Variants in DCUN1D4 observed in about 807,000 individuals in gnomAD.
DCUN1D4 encodes DCN1-like protein 4.
Under a neutral mutation model 47.9 loss-of-function variants are expected in DCUN1D4, and 22 were observed. The observed-to-expected ratio is 0.46, with a 90% CI of 0.33 to 0.66. The LOEUF (loss-of-function observed/expected upper bound fraction) is 0.66. Ranked by LOEUF, DCUN1D4 falls within the 30% of genes least tolerant of loss-of-function variation. The pLI is 0.02. For synonymous variants in DCUN1D4, 121 were observed against 112.2 expected (o/e 1.08, Z -0.50); for missense variants, 301 against 340.8 (o/e 0.88, Z 0.92).
intron 7 of DCUN1D4, among the ~76,000 whole-genome samples, chr4:51,895,559 T>TAAAAAA (rs67542268): frequency 1.1e-5 from 1 of 88,498 alleles, no homozygotes; most frequent in Non-Finnish European, 2.4e-5. Flanking sequence ...TGCTTAAACT[T>TAAAAAA]AAAAAAAAAA....
the DCUN1D4 span, among the ~76,000 whole-genome samples, chr4:51,834,096 C>CTTTTTTTT: frequency 2.3e-5 from 1 of 43,576 alleles, no homozygotes; most frequent in Non-Finnish European, 3.8e-5. Flanking sequence ...CTTTTCTTTT[C>CTTTTTTTT]TTCTTTCTTT....
At chr4:51,901,701 C>T (rs1024435462) in intron 8 of DCUN1D4, among the ~76,000 whole-genome samples, 15 of 152,182 alleles carry the variant, frequency 9.9e-5, no homozygotes, top group African/African-American at 3.6e-4. Flanking sequence ...GGTGTCTCCT[C>T]TACTTGGCTT....
chr4:51,869,378 G>A lies in DCUN1D4; in HGVS notation c.137-4893G>A, dbSNP rs139926537. ...TGTGACAATGTTCAATGAAAAGTGA[G>A]GTGAAATAGCTATATAAAAAGTACT... On this transcript the variant is annotated intron_variant, in intron 3 of 10. Coordinates refer to ENST00000334635, the MANE Select transcript of DCUN1D4 (RefSeq NM_001040402.3). Among the ~76,000 whole-genome samples the A allele has an allele frequency of 2.8e-3, 420 of 152,198 alleles. 3 individuals carry two copies. Among genetic ancestry groups the A allele is most frequent in the Middle Eastern group, 0.01 (3 of 294 alleles).
chr4:51,874,215 TAC>T (rs1394333705), intron 3 of DCUN1D4, 54 bp from the exon 4 acceptor site: 2 of 1,154,926 alleles, frequency 1.7e-6, no homozygotes, highest in Non-Finnish European at 2.5e-6. Flanking sequence ...TCTTTGGAAG[TAC>T]AGAGTTAGGA....
upstream of DCUN1D4, chr4:51,843,084 C>T (rs1291130715): frequency 1.4e-6 from 2 of 1,414,174 alleles, no homozygotes; most frequent in Admixed American, 2.7e-5. Flanking sequence ...CAGGGCGGCC[C>T]CTGAGCCGCG....
chr4:51,899,376 C>T lies in DCUN1D4; in HGVS notation c.613C>T (p.Arg205Trp), dbSNP rs778322231. The T allele has an allele frequency of 1.2e-6, 2 of 1,603,760 alleles. No individual in the cohort carries two copies. The highest frequency in any genetic ancestry group is 1.7e-6 in the Non-Finnish European group (2 of 1,175,254). The change falls in exon 8 of 11, where the codon CGG (arginine) becomes TGG (tryptophan). Residue 205 changes from arginine to tryptophan, a missense_variant and splice_region_variant. This residue lies in a region of DCUN1D4 where 170 missense variants were observed against 234.5 expected (regional missense o/e 0.73). Transcript: ENST00000334635. ...LIYRYAFDFA[R>W]EKDQRSLDIN... ...TTACAGATATGCGTTTGACTTTGCACGGGTGAGTTCTCTGGAGCCTATCCA... is the reference window on the plus strand; with the variant it reads ...TTACAGATATGCGTTTGACTTTGCATGGGTGAGTTCTCTGGAGCCTATCCA...
At chr4:51,869,118 C>A (rs1577914641) in intron 3 of DCUN1D4, among the ~76,000 whole-genome samples, 2 of 82,632 alleles carry the variant, frequency 2.4e-5, no homozygotes, top group East Asian at 3.9e-4. Context: ...AGGGAGACTC[C>A]ATCTCAAAAA....
chr4:51,840,588 G>T (rs1029671927), upstream of DCUN1D4, among the ~76,000 whole-genome samples: 12 of 152,130 alleles, frequency 7.9e-5, no homozygotes, highest in African/African-American at 9.7e-5. Context: ...AATCACCAAG[G>T]TTCCTATCCA....
chr4:51,877,665 G>T, intron 4 of DCUN1D4, 98 bp from the exon 5 acceptor site: 1 of 739,884 alleles, frequency 1.4e-6, no homozygotes, highest in Non-Finnish European at 2.2e-6. Flanking sequence ...AATACTGATT[G>T]AATAGATGTC....
At chr4:51,855,166 C>T (rs1723939799) in intron 1 of DCUN1D4, among the ~76,000 whole-genome samples, 1 of 152,018 alleles carries the variant, frequency 6.6e-6, no homozygotes, top group East Asian at 1.9e-4. Flanking sequence ...TGTTGTGTGA[C>T]TCTGCTGATA....
At chr4:51,836,861 G>A in the DCUN1D4 span, among the ~76,000 whole-genome samples, 1 of 152,128 alleles carries the variant, frequency 6.6e-6, no homozygotes. Flanking sequence ...ACCAACAACC[G>A]GAGATGGATG....
intron 9 of DCUN1D4, among the ~76,000 whole-genome samples, chr4:51,911,647 T>C (rs1733726786): frequency 6.6e-6 from 1 of 152,196 alleles, no homozygotes; most frequent in South Asian, 2.1e-4. Flanking sequence ...TCAATCTAAG[T>C]ATTAGGCAGA....
At chr4:51,900,145 T>C (rs187264899) in intron 8 of DCUN1D4, among the ~76,000 whole-genome samples, 2 of 152,346 alleles carry the variant, frequency 1.3e-5, no homozygotes, top group East Asian at 3.9e-4. Context: ...ATTATTTTTT[T>C]TTAAGGCAGA....
chr4:51,876,289 C>A (rs1727655486), intron 4 of DCUN1D4, among the ~76,000 whole-genome samples: 1 of 152,020 alleles, frequency 6.6e-6, no homozygotes, highest in Non-Finnish European at 1.5e-5. Flanking sequence ...AAGCTGGAAA[C>A]CATCATTCTC....
intron 5 of DCUN1D4, among the ~76,000 whole-genome samples, chr4:51,882,638 G>A (rs1306517634): frequency 2.6e-5 from 4 of 152,080 alleles, no homozygotes; most frequent in African/African-American, 9.7e-5. Flanking sequence ...GTGGTGGCGG[G>A]CACCTGTAGT....
At chr4:51,834,532 C>A in the DCUN1D4 span, among the ~76,000 whole-genome samples, 2 of 152,280 alleles carry the variant, frequency 1.3e-5, no homozygotes, top group South Asian at 4.2e-4. Context: ...CTAGTCTATT[C>A]TCCTTCTGAG....
Position 51,843,278 on chromosome 4 carries a change from G to C in DCUN1D4, c.25+11G>C, listed in dbSNP as rs770689986. The C allele has an allele frequency of 3.3e-6, 5 of 1,534,598 alleles. No homozygotes were observed. The highest frequency in any genetic ancestry group is 3.5e-6 in the Non-Finnish European group (4 of 1,140,862). On this transcript the variant is annotated intron_variant, in intron 1 of 10. Transcript: ENST00000334635. ...ATGCCGCCGCTGTCAGTGAGTAGCA[G>C]AGAGCCAGCCAGCGGGCCGGGGCCG...
At chr4:51,858,236 C>T (rs996096883) in intron 1 of DCUN1D4, among the ~76,000 whole-genome samples, 3 of 152,030 alleles carry the variant, frequency 2.0e-5, no homozygotes, top group African/African-American at 4.8e-5. Flanking sequence ...ACATATCCAT[C>T]AAAGGTGATA....
intron 8 of DCUN1D4, among the ~76,000 whole-genome samples, chr4:51,909,740 A>G (rs1733428035): frequency 6.6e-6 from 1 of 152,202 alleles, no homozygotes; most frequent in African/African-American, 2.4e-5. Flanking sequence ...GTGACCTCTG[A>G]AAGAAGGGTG....
Sources: gnomAD v4.1 joint callset for allele counts (sites outside exome capture counted in the v4.1 genomes callset) on GRCh38, gnomAD v4.1.1 for gene constraint, gnomAD v4.1.1 regional missense constraint, MANE v1.5 for transcripts, NCBI Gene and HGNC (gene_info 2026-07-23, HGNC 2026-07-21) for gene names.